Variants in NRXN3 observed in about 807,000 individuals in gnomAD.
NRXN3 encodes neurexin 3, also known as neurexin III.
In NRXN3, 32 loss-of-function variants were observed where a neutral mutation model predicts 137.6. The observed-to-expected ratio is 0.23, with a 90% CI of 0.18 to 0.31. The LOEUF (loss-of-function observed/expected upper bound fraction) is 0.31. NRXN3 is among the 10% of genes least tolerant of loss of function. The probability of loss-of-function intolerance (pLI) is 1.00; values close to 1 mark genes in which losing one functional copy is unlikely to be tolerated. For synonymous variants in NRXN3, 798 were observed against 784.5 expected, an observed-to-expected ratio of 1.02 and a Z score of -0.29; for missense variants, 1,574 against 2,062.5, an observed-to-expected ratio of 0.76 and a Z score of 4.59.
intron 15 of NRXN3, among the ~76,000 whole-genome samples, chr14:79,106,964 G>A (rs920116125): frequency 1.3e-5 from 2 of 152,110 alleles, no homozygotes; most frequent in African/African-American, 4.8e-5. Context: ...AAAAAGTATA[G>A]ATGAAAAGGT....
chr14:79,072,570 C>T (rs961744441), intron 15 of NRXN3: 11 of 152,210 alleles, frequency 7.2e-5, no homozygotes, highest in African/African-American at 2.6e-4. Context: ...GGTTTTAAAA[C>T]AGAGAAAAAA....
rs562709672 is a variant in NRXN3, at chr14:79,777,509, G to C, written c.4015-27603G>C. On this transcript the variant is annotated intron_variant, in intron 19 of 20. Coordinates refer to ENST00000335750, the MANE Select transcript of NRXN3 (RefSeq NM_001330195.2). Reference sequence around the variant, plus strand: ...AAAAAAGGTTCCTTTGCTGAAAGTAGTACCTGGCATGTAAACCTAAAGTAA... The same window carrying C: ...AAAAAAGGTTCCTTTGCTGAAAGTACTACCTGGCATGTAAACCTAAAGTAA... Among the ~76,000 whole-genome samples the C allele has an allele frequency of 4.0e-5, 6 of 151,416 alleles. No individual in the cohort carries two copies. In the South Asian group the frequency reaches 1.3e-3, roughly 32 times the overall value.
At chr14:79,356,562 T>C (rs2093429533) in intron 15 of NRXN3, among the ~76,000 whole-genome samples, 1 of 152,184 alleles carries the variant, frequency 6.6e-6, no homozygotes, top group Non-Finnish European at 1.5e-5. Flanking sequence ...AAAACACTAT[T>C]AATAGGAACA....
chr14:78,960,209 C>T (rs2099405415), intron 11 of NRXN3, among the ~76,000 whole-genome samples: 1 of 152,052 alleles, frequency 6.6e-6, no homozygotes, highest in African/African-American at 2.4e-5. Flanking sequence ...AGAAAGCAGC[C>T]AGAAGGATAA....
intron 1 of NRXN3, among the ~76,000 whole-genome samples, chr14:78,209,778 T>G (rs2062565784): frequency 6.6e-6 from 1 of 152,212 alleles, no homozygotes; most frequent in African/African-American, 2.4e-5. Flanking sequence ...AACCATATCA[T>G]GTACCTTGCT....
chr14:79,391,154 A>G (rs1203062341), intron 15 of NRXN3, among the ~76,000 whole-genome samples: 2 of 152,056 alleles, frequency 1.3e-5, no homozygotes, highest in African/African-American at 2.4e-5. Context: ...GTAATGGACA[A>G]GAATGGCCTA....
intron 15 of NRXN3, among the ~76,000 whole-genome samples, chr14:79,269,964 G>C (rs966879284): frequency 2.6e-5 from 4 of 152,296 alleles, no homozygotes; most frequent in African/African-American, 9.6e-5. Flanking sequence ...CAATGAATGA[G>C]ATTTTAATAA....
chr14:79,189,388 G>A (rs1376846398), intron 15 of NRXN3, among the ~76,000 whole-genome samples: 1 of 121,668 alleles, frequency 8.2e-6, no homozygotes, highest in Non-Finnish European at 1.7e-5. Context: ...GGACTGTTGT[G>A]GGGTGGGGGG....
At chr14:79,727,659 A>G (rs781508578) in intron 19 of NRXN3, among the ~76,000 whole-genome samples, 1 of 152,152 alleles carries the variant, frequency 6.6e-6, no homozygotes, top group Non-Finnish European at 1.5e-5. Flanking sequence ...GCATTTCCCA[A>G]TGTCTCATTT....
intron 4 of NRXN3, among the ~76,000 whole-genome samples, chr14:78,516,871 A>G (rs1342529609): frequency 2.6e-5 from 4 of 152,202 alleles, no homozygotes; most frequent in African/African-American, 9.6e-5. Context: ...TATATACAAT[A>G]AACTGAACTG....
Position 79,826,884 on chromosome 14 carries a change from G to A in NRXN3, c.4093+21694G>A, listed in dbSNP as rs528203220. 1.8e-4 allele frequency among the ~76,000 whole-genome samples: 27 copies of A among 152,074 alleles called. No homozygotes were observed. The South Asian group carries it at 3.3e-3, about 19-fold the overall frequency. ...CTGCCAGGTGTGTTGGTGTAGAAGC[G>A]GGAAGATAGAGCCTGTGCTTCAGCA... On this transcript the variant is annotated intron_variant, in intron 20 of 20. Coordinates refer to ENST00000335750, the MANE Select transcript of NRXN3 (RefSeq NM_001330195.2).
intron 16 of NRXN3, among the ~76,000 whole-genome samples, chr14:79,615,656 G>A (rs2098145867): frequency 6.6e-6 from 1 of 152,146 alleles, no homozygotes; most frequent in Admixed American, 6.5e-5. Flanking sequence ...TCTTCACATG[G>A]CAGCAGGAGA....
chr14:79,572,940 C>T (rs1282852303), intron 16 of NRXN3: 2 of 152,130 alleles, frequency 1.3e-5, no homozygotes, highest in Non-Finnish European at 2.9e-5. Flanking sequence ...AATATGTACA[C>T]ATAATTCAAG....
chr14:78,975,948 T>C (rs1420474630), intron 14 of NRXN3, among the ~76,000 whole-genome samples: 3 of 152,152 alleles, frequency 2.0e-5, no homozygotes, highest in Non-Finnish European at 4.4e-5. Context: ...GGTACTCCTG[T>C]GATCCACGGG....
At chr14:79,333,372 T>C (rs575963143) in intron 15 of NRXN3, among the ~76,000 whole-genome samples, 2 of 152,308 alleles carry the variant, frequency 1.3e-5, no homozygotes, top group African/African-American at 4.8e-5. Flanking sequence ...CACAAATGCT[T>C]GTCATAAACC....
intron 4 of NRXN3, among the ~76,000 whole-genome samples, chr14:78,379,418 C>T (rs1385590768): frequency 6.6e-6 from 1 of 152,060 alleles, no homozygotes; most frequent in Non-Finnish European, 1.5e-5. Context: ...GTACCAGGAA[C>T]AAGTAAAGTA....
At chr14:79,279,451 A>C (rs1440751553) in intron 15 of NRXN3, 46 of 986,056 alleles carry the variant, frequency 4.7e-5, no homozygotes, top group Non-Finnish European at 5.5e-5. Flanking sequence ...CCACCTCTGC[A>C]GCCTGCCAGG....
At chr14:78,218,231 C>G (rs1346617861) in intron 1 of NRXN3, among the ~76,000 whole-genome samples, 1 of 152,038 alleles carries the variant, frequency 6.6e-6, no homozygotes, top group Non-Finnish European at 1.5e-5. Flanking sequence ...GTGGCGCACA[C>G]CTGTAGTCTT....
At chr14:79,364,923 C>G (rs2093824186) in intron 15 of NRXN3, among the ~76,000 whole-genome samples, 1 of 152,134 alleles carries the variant, frequency 6.6e-6, no homozygotes, top group South Asian at 2.1e-4. Flanking sequence ...ATCCCCAAAA[C>G]CAGCACTCTT....
Sources: gnomAD v4.1 joint callset for allele counts (sites outside exome capture counted in the v4.1 genomes callset) on GRCh38, gnomAD v4.1.1 for gene constraint, MANE v1.5 for transcripts, NCBI Gene and HGNC (gene_info 2026-07-23, HGNC 2026-07-21) for gene names.